C8B: variants seen among roughly 807,000 people sequenced by gnomAD.
C8B encodes complement component C8 beta chain.
C8B carries 67 observed loss-of-function variants against 64.6 expected under a neutral mutation model. The ratio of observed to expected loss-of-function variants is 1.04; its 90% CI spans 0.85 to 1.27. The LOEUF (loss-of-function observed/expected upper bound fraction) is 1.27, where lower values mean the gene tolerates loss of function less well. Ranked by LOEUF, C8B falls within the 50% of genes most tolerant of loss-of-function variation. C8B has a pLI of 0.00. For missense variants in C8B, 790 were observed against 725.2 expected (o/e 1.09, Z -1.03); for synonymous variants, 284 against 257.7 (o/e 1.10, Z -0.98).
At chr1:56,933,577 C>G in intron 9 of C8B, 89 bp from the exon 10 acceptor site, 1 of 1,125,670 alleles carries the variant, frequency 8.9e-7, no homozygotes, top group Non-Finnish European at 1.3e-6. Context: ...GGACTGGGAT[C>G]AGTGTATAGA....
chr1:56,965,732 A>G (rs565164279), intron 1 of C8B, 125 bp downstream of exon 1: 31 of 968,928 alleles, frequency 3.2e-5, no homozygotes, highest in Admixed American at 5.7e-5. Context: ...TATCAGATGC[A>G]TGCAAATTGC....
At chr1:56,951,434 A>G (rs1460324350) in intron 5 of C8B, among the ~76,000 whole-genome samples, 1 of 152,080 alleles carries the variant, frequency 6.6e-6, no homozygotes, top group African/African-American at 2.4e-5. Flanking sequence ...TGTGTGTCCT[A>G]TGGGCTATTC....
rs757499341 is a variant in C8B at position 56,960,115 on chromosome 1, GTCTGC to G, written c.149_153del (p.Ser50ThrfsTer13). On this transcript the variant is annotated frameshift_variant, in exon 2 of 12. Transcript: ENST00000371237. LOFTEE classifies it high-confidence loss of function. The stretch of plus-strand genomic sequence containing the variant: ...AGGGTAACATCCACACTCCGCATCT[GTCTGC>G]TCTTAGCAAAGCTCTTGTTGACTGC... The G allele has an allele frequency of 6.2e-7, 1 of 1,614,138 alleles. No individual in the cohort carries two copies. Among genetic ancestry groups the G allele is most frequent in the African/African-American group, 1.3e-5 (1 of 75,034 alleles).
At chr1:56,945,024 T>C (rs558978255) in intron 7 of C8B, among the ~76,000 whole-genome samples, 1 of 152,334 alleles carries the variant, frequency 6.6e-6, no homozygotes, top group East Asian at 1.9e-4. Context: ...AATATTACTT[T>C]GGAGACCACA....
At chr1:56,948,987 T>G (rs1388730528) in intron 6 of C8B, among the ~76,000 whole-genome samples, 1 of 148,952 alleles carries the variant, frequency 6.7e-6, no homozygotes, top group South Asian at 2.2e-4. Flanking sequence ...CTGCCTGGTC[T>G]CTCTAAAAAG....
intron 8 of C8B, among the ~76,000 whole-genome samples, chr1:56,942,309 C>G (rs1470181473): frequency 6.6e-6 from 1 of 152,164 alleles, no homozygotes; most frequent in African/African-American, 2.4e-5. Context: ...CACTATAAAG[C>G]AATTATTATT....
At chr1:56,950,974 A>G (rs559682846) in intron 5 of C8B, among the ~76,000 whole-genome samples, 9 of 152,310 alleles carry the variant, frequency 5.9e-5, no homozygotes, top group East Asian at 3.9e-4. Flanking sequence ...GGACACCCCA[A>G]TGGAGAGTGT....
At chr1:56,960,315 T>C (rs563660106) in intron 1 of C8B, 139 bp from the exon 2 acceptor site, 6 of 730,068 alleles carry the variant, frequency 8.2e-6, no homozygotes, top group Non-Finnish European at 1.4e-5. Flanking sequence ...GGATAACCTA[T>C]CCTGGAATTA....
chr1:56,935,964 G>A (rs567373467), intron 9 of C8B, among the ~76,000 whole-genome samples: 1 of 152,244 alleles, frequency 6.6e-6, no homozygotes, highest in South Asian at 2.1e-4. Context: ...TGATTCCATC[G>A]TCTTTGATAA....
At chr1:56,947,952 AAAAC>A (rs3991683) in intron 6 of C8B, among the ~76,000 whole-genome samples, 5 of 125,424 alleles carry the variant, frequency 4.0e-5, no homozygotes, top group South Asian at 4.5e-4. Context: ...AAAACAAAAC[AAAAC>A]AAACAAACAA....
intron 7 of C8B, among the ~76,000 whole-genome samples, chr1:56,944,288 C>A (rs548876232): frequency 2.0e-5 from 3 of 152,208 alleles, no homozygotes; most frequent in African/African-American, 7.2e-5. Flanking sequence ...AGAAAAGGGG[C>A]AAATTTCCCT....
At chr1:56,935,101 G>A (rs573523614) in intron 9 of C8B, among the ~76,000 whole-genome samples, 3 of 152,228 alleles carry the variant, frequency 2.0e-5, no homozygotes, top group East Asian at 1.9e-4. Context: ...TCAAGATCAC[G>A]CAATTCATAT....
intron 3 of C8B, among the ~76,000 whole-genome samples, chr1:56,955,639 T>C (rs539227567): frequency 1.3e-5 from 2 of 152,320 alleles, no homozygotes; most frequent in African/African-American, 4.8e-5. Flanking sequence ...AACTAAAGCC[T>C]GTCCAAATAA....
At chr1:56,951,237 C>A (rs908256985) in intron 5 of C8B, among the ~76,000 whole-genome samples, 5 of 152,012 alleles carry the variant, frequency 3.3e-5, no homozygotes, top group South Asian at 4.1e-4. Flanking sequence ...ACCACCACAC[C>A]CGGCTAGAAA....
chr1:56,952,114 G>C lies in C8B; in HGVS notation c.600C>G (p.Cys200Trp), dbSNP rs137965251. Residue 200 changes from cysteine to tryptophan, a missense_variant, in exon 5 of 12, where the codon TGC becomes TGG. Coordinates refer to ENST00000371237, the MANE Select transcript of C8B (RefSeq NM_000066.4). The part of the protein sequence containing the change: ...VLDHRYYAGG[C>W]SPHYILNTRF... ...TCGTGTTCAGGATGTAATGCGGGGA[G>C]CATCCACCTGCATAATACCTGTGAT... 1 of 1,614,146 alleles carries C rather than the reference G, an allele frequency of 6.2e-7. No individual in the cohort carries two copies. The highest frequency in any genetic ancestry group is 8.5e-7 in the Non-Finnish European group (1 of 1,179,996).
Position 56,960,022 on chromosome 1 carries a change from T to C in C8B, c.247A>G (p.Arg83Gly). ...CTGTCCCAGGCCTGGTTGCTTACCC[T>C]TTTCTTCTGACAGGGGTCACATGTG... is the stretch of plus-strand genomic sequence containing the variant. ...WTTCDPCQKK[R>G]YRYAYLLQPS... Residue 83 changes from arginine (R) to glycine (G), a missense_variant and splice_region_variant, in exon 2 of 12, where the codon AGG becomes GGG. Physicochemically the swap from Arg to Gly is moderately radical, Grantham distance 125. Transcript: ENST00000371237. The C allele has an allele frequency of 6.2e-7, 1 of 1,614,082 alleles. No individual in the cohort carries two copies. Among genetic ancestry groups the C allele is most frequent in the Non-Finnish European group, 8.5e-7 (1 of 1,179,954 alleles).
chr1:56,960,782 G>A (rs1261932026), intron 1 of C8B, among the ~76,000 whole-genome samples: 2 of 152,124 alleles, frequency 1.3e-5, no homozygotes, highest in Non-Finnish European at 2.9e-5. Context: ...AGTGGATGCT[G>A]TTTTCCCATT....
intron 4 of C8B, among the ~76,000 whole-genome samples, chr1:56,953,308 C>T (rs1401696469): frequency 6.6e-6 from 1 of 152,200 alleles, no homozygotes; most frequent in Non-Finnish European, 1.5e-5. Context: ...TTTCCCATGA[C>T]ATATTCCATG....
At chr1:56,933,116 G>A (rs1412720884) in intron 10 of C8B, among the ~76,000 whole-genome samples, 3 of 152,152 alleles carry the variant, frequency 2.0e-5, no homozygotes, top group Non-Finnish European at 4.4e-5. Context: ...TCCTTGCTGT[G>A]GACCACAGGA....
Sources: allele counts gnomAD v4.1 joint callset (sites outside exome capture counted in the v4.1 genomes callset), GRCh38; gene constraint gnomAD v4.1.1; transcripts MANE v1.5; gene names NCBI Gene and HGNC (gene_info 2026-07-23, HGNC 2026-07-21).